LRRK2: variants seen among roughly 807,000 people sequenced by gnomAD.
The protein encoded by LRRK2 is leucine-rich repeat serine/threonine-protein kinase 2.
LRRK2 carries 203 observed loss-of-function variants against 302.6 expected under a neutral mutation model. That is an observed-to-expected ratio of 0.67 (90% confidence interval 0.60 to 0.75). LRRK2 has a LOEUF of 0.75. Among genes scored for constraint, LRRK2 ranks in the 30% least tolerant of loss-of-function variants. The pLI is 0.00. For synonymous variants in LRRK2, 1,066 were observed against 1,031.9 expected (o/e 1.03, Z -0.63); for missense variants, 2,830 against 2,951.0 (o/e 0.96, Z 0.95).
intron 25 of LRRK2, among the ~76,000 whole-genome samples, chr12:40,299,964 T>C (rs556717832): frequency 1.3e-5 from 2 of 152,292 alleles, no homozygotes; most frequent in Non-Finnish European, 2.9e-5. Flanking sequence ...TGTCAGAGGT[T>C]AAAATGATAG....
intron 4 of LRRK2, 37 bp downstream of exon 4, chr12:40,235,751 TA>T (rs760927003): frequency 3.0e-4 from 360 of 1,211,530 alleles, no homozygotes; most frequent in Non-Finnish European, 3.3e-4. Flanking sequence ...TGATTCAAAT[TA>T]AAAAAAAAGT....
intron 26 of LRRK2, among the ~76,000 whole-genome samples, chr12:40,303,397 C>T (rs1480161320): frequency 6.6e-6 from 1 of 152,020 alleles, no homozygotes; most frequent in Non-Finnish European, 1.5e-5. Context: ...AAATGCTATT[C>T]TAATTATATC....
rs200206597 is a variant in LRRK2 at position 40,351,609 on chromosome 12, T to C, written c.6452T>C (p.Ile2151Thr). The C allele has an allele frequency of 1.9e-6, 3 of 1,614,182 alleles. No homozygotes were observed. The highest frequency in any genetic ancestry group is 2.5e-6 in the Non-Finnish European group (3 of 1,180,016). Residue 2151 changes from isoleucine (I) to threonine (T), a missense_variant, in exon 44 of 51, where the codon ATT (isoleucine) becomes ACT (threonine). Physicochemically the swap from Ile to Thr is moderately conservative, Grantham distance 89. This residue lies in a region of LRRK2 where 456 missense variants were observed against 456.3 expected (regional missense o/e 1.00). Coordinates refer to ENST00000298910, the MANE Select transcript of LRRK2 (RefSeq NM_198578.4). ...TRRILLPKNVIVECMVATHHN... is the reference protein window; with the variant it reads ...TRRILLPKNVTVECMVATHHN... Reference sequence around the variant, plus strand: ...CGCATTTTATTACCTAAAAACGTAATTGTTGAATGCATGGTTGCTACACAT... The same window carrying C: ...CGCATTTTATTACCTAAAAACGTAACTGTTGAATGCATGGTTGCTACACAT...
chr12:40,238,765 T>C (rs776798005), intron 5 of LRRK2, among the ~76,000 whole-genome samples: 2 of 152,174 alleles, frequency 1.3e-5, no homozygotes, highest in Non-Finnish European at 2.9e-5. Flanking sequence ...ATAAGAATGA[T>C]TTATGTGGGC....
intron 20 of LRRK2, 37 bp from the exon 21 acceptor site, chr12:40,293,508 T>A (rs1425685978): frequency 7.7e-7 from 1 of 1,301,204 alleles, no homozygotes; most frequent in East Asian, 2.3e-5. Flanking sequence ...AAGCTTTTTG[T>A]ATTCACCTTC....
chr12:40,344,972 C>T (rs1946149964), intron 41 of LRRK2, among the ~76,000 whole-genome samples: 1 of 152,044 alleles, frequency 6.6e-6, no homozygotes, highest in Non-Finnish European at 1.5e-5. Context: ...TACTCAAATT[C>T]GATGTCTCCA....
intron 21 of LRRK2, among the ~76,000 whole-genome samples, chr12:40,294,024 T>A (rs539633268): frequency 1.3e-5 from 2 of 151,742 alleles, no homozygotes; most frequent in African/African-American, 4.8e-5. Context: ...CCATGAACAC[T>A]TTAGCTAGAA....
At chr12:40,270,025 T>C (rs1391690445) in intron 14 of LRRK2, among the ~76,000 whole-genome samples, 1 of 152,144 alleles carries the variant, frequency 6.6e-6, no homozygotes, top group Admixed American at 6.6e-5. Flanking sequence ...GTACTTAATG[T>C]CTTGGTTTTG....
intron 6 of LRRK2, among the ~76,000 whole-genome samples, chr12:40,243,264 A>C (rs531563364): frequency 6.6e-6 from 1 of 151,846 alleles, no homozygotes; most frequent in African/African-American, 2.4e-5. Flanking sequence ...CATTTTCAGT[A>C]CTAAAAGTAC....
intron 38 of LRRK2, 139 bp downstream of exon 38, chr12:40,323,445 T>C (rs1470132517): frequency 2.5e-6 from 2 of 801,064 alleles, no homozygotes. Flanking sequence ...TTTGGAATGA[T>C]ATATTTTAAA....
At chr12:40,250,066 C>T in intron 8 of LRRK2, 121 bp downstream of exon 8, 1 of 1,237,184 alleles carries the variant, frequency 8.1e-7, no homozygotes, top group Non-Finnish European at 1.2e-6. Context: ...TCCTGTGTAG[C>T]TCATTTTCCA....
At chr12:40,246,776 T>A (rs895476445) in intron 7 of LRRK2, among the ~76,000 whole-genome samples, 1 of 152,076 alleles carries the variant, frequency 6.6e-6, no homozygotes, top group African/African-American at 2.4e-5. Context: ...TTGCAGAGAG[T>A]CTGAAACTGG....
intron 13 of LRRK2, among the ~76,000 whole-genome samples, chr12:40,260,048 C>G (rs931580519): frequency 2.6e-5 from 4 of 152,154 alleles, no homozygotes; most frequent in African/African-American, 9.6e-5. Context: ...ACTCATTTAC[C>G]TCAATGGCTT....
chr12:40,348,279 T>C (rs1946255522), intron 42 of LRRK2, 130 bp from the exon 43 acceptor site: 1 of 648,962 alleles, frequency 1.5e-6, no homozygotes, highest in African/African-American at 1.8e-5. Flanking sequence ...GACAAGTAAA[T>C]TTACATAAAT....
At chr12:40,354,756 A>G (rs1470304319) in intron 45 of LRRK2, among the ~76,000 whole-genome samples, 1 of 152,116 alleles carries the variant, frequency 6.6e-6, no homozygotes, top group East Asian at 1.9e-4. Context: ...CTGTGGCTCT[A>G]TCTCTTTACT....
chr12:40,302,866 A>G lies in LRRK2; in HGVS notation c.3574A>G (p.Ile1192Val), dbSNP rs281865047. ...QNKFSCIPEA[I>V]LNLPHLRSLD... is the part of the protein sequence containing the mutation. ...CAAATTTTCCTGTATTCCAGAAGCA[A>G]TTTTAAATCTTCCACAGTAAGTTTA... Residue 1192 changes from isoleucine to valine, a missense_variant, in exon 26 of 51, where the codon ATT becomes GTT. Coordinates refer to ENST00000298910, the MANE Select transcript of LRRK2 (RefSeq NM_198578.4). The G allele has an allele frequency of 2.5e-5, 40 of 1,587,886 alleles. No individual in the cohort carries two copies. In the Admixed American group the frequency reaches 3.8e-4, roughly 15 times the overall value.
intron 8 of LRRK2, among the ~76,000 whole-genome samples, chr12:40,250,826 A>G (rs1005727656): frequency 6.6e-6 from 1 of 152,222 alleles, no homozygotes; most frequent in Non-Finnish European, 1.5e-5. Context: ...TGTCCCTGCA[A>G]AGGACATGAG....
At chr12:40,313,168 G>A (rs552669532) in intron 31 of LRRK2, among the ~76,000 whole-genome samples, 2 of 152,106 alleles carry the variant, frequency 1.3e-5, no homozygotes, top group South Asian at 2.1e-4. Flanking sequence ...CAGAAATAGG[G>A]AGAGTTTGCC....
In LRRK2 at chr12:40,368,018, A is replaced by G. The variant is rs201905091; in HGVS notation, c.*253A>G. 7 of 238,216 alleles carry G rather than the reference A, an allele frequency of 2.9e-5. No homozygotes were observed. Among genetic ancestry groups the G allele is most frequent in the African/African-American group, 1.6e-4 (7 of 43,708 alleles). The allele number at this position is 238,216 out of a possible 1,614,324, so 14.8% of individuals were successfully genotyped here. A position where few individuals can be genotyped will look rare whatever the true frequency, so the allele number is the denominator to read the frequency against. On this transcript the variant is annotated 3_prime_UTR_variant, in exon 51 of 51. Coordinates refer to ENST00000298910, the MANE Select transcript of LRRK2 (RefSeq NM_198578.4). Reference sequence around the variant, plus strand: ...TACTTTCGTTCATTAATTAATGAAAATAAATCTGTGAAGTACCTAATTTAA... The same window carrying G: ...TACTTTCGTTCATTAATTAATGAAAGTAAATCTGTGAAGTACCTAATTTAA...
Sources: gnomAD v4.1 joint callset for allele counts (sites outside exome capture counted in the v4.1 genomes callset) on GRCh38, gnomAD v4.1.1 for gene constraint, gnomAD v4.1.1 regional missense constraint, MANE v1.5 for transcripts, NCBI Gene and HGNC (gene_info 2026-07-23, HGNC 2026-07-21) for gene names.